Variants in ARHGAP9 observed in about 807,000 individuals in gnomAD.
ARHGAP9 encodes the protein Rho GTPase activating protein 9, also known as rho GTPase-activating protein 9.
ARHGAP9 carries 76 observed loss-of-function variants against 87.3 expected under a neutral mutation model. The ratio of observed to expected loss-of-function variants is 0.87; its 90% CI spans 0.72 to 1.05. The LOEUF is 1.05. ARHGAP9 is among the 50% of genes least tolerant of loss of function. The pLI is 0.00. For missense variants in ARHGAP9, 941 were observed against 960.5 expected (o/e 0.98, Z 0.27); for synonymous variants, 382 against 394.9 (o/e 0.97, Z 0.39).
rs926188968 is a variant in ARHGAP9, at chr12:57,475,131, C to A, written c.1553-158G>T. 8.1e-6 allele frequency: 9 copies of A among 1,117,954 alleles called. No individual in the cohort carries two copies. In the South Asian group the frequency reaches 1.1e-4, roughly 13 times the overall value. 69.3% of individuals were successfully genotyped at this position (1,117,954 alleles called of 1,614,324 possible). A position where few individuals can be genotyped will look rare whatever the true frequency, so the allele number is the denominator to read the frequency against. On this transcript the variant is annotated intron_variant, in intron 12 of 17. Transcript: ENST00000393791. The stretch of plus-strand genomic sequence containing the variant: ...TCCACCTCCCTTCCCCTGCTTCAAA[C>A]AATCTGGCAAAGGGGTACAGGTCAC...
chr12:57,482,404 C>G (rs893265847), upstream of ARHGAP9, among the ~76,000 whole-genome samples: 2 of 152,078 alleles, frequency 1.3e-5, no homozygotes, highest in Non-Finnish European at 2.9e-5. Context: ...CCATGTCCAG[C>G]TAATTTTTTG....
intron 1 of ARHGAP9, among the ~76,000 whole-genome samples, chr12:57,486,219 T>C (rs1875381108): frequency 6.6e-6 from 1 of 152,210 alleles, no homozygotes; most frequent in South Asian, 2.1e-4. Context: ...AACAGGTATG[T>C]GCTTCCTTGC....
intron 11 of ARHGAP9, 21 bp downstream of exon 11, chr12:57,475,462 C>G: frequency 6.3e-7 from 1 of 1,583,910 alleles, no homozygotes; most frequent in Non-Finnish European, 8.6e-7. Context: ...CCGGACTCTC[C>G]CTCCCCAGCC....
upstream of ARHGAP9, chr12:57,483,836 T>G (rs545152733): frequency 2.3e-6 from 1 of 442,868 alleles, no homozygotes; most frequent in African/African-American, 2.0e-5. Context: ...GGTCAGGAGT[T>G]TGAGACCAGC....
intron 5 of ARHGAP9, 86 bp from the exon 6 acceptor site, chr12:57,477,049 T>C (rs757323331): frequency 7.8e-7 from 1 of 1,283,596 alleles, no homozygotes; most frequent in Admixed American, 2.1e-5. Context: ...GGGATACGGG[T>C]GAGAGGTGGG....
Position 57,472,632 on chromosome 12 carries a change from A to G in ARHGAP9, c.2081T>C (p.Phe694Ser), listed in dbSNP as rs1872207215. Residue 694 changes from phenylalanine (F) to serine (S), a missense_variant, in exon 18 of 18, where the codon TTT (phenylalanine) becomes TCT (serine). Phe to Ser is a radical substitution (Grantham distance 155). Coordinates refer to ENST00000393791, the MANE Select transcript of ARHGAP9 (RefSeq NM_032496.4). ...RMTPHNLGIV[F>S]GPTLFRPEQE... ...CTCTGGCCGAAACAGGGTTGGTCCA[A>G]ACACAATTCCCAGGTTGTGGGGTGT... The G allele has an allele frequency of 6.2e-7, 1 of 1,614,106 alleles. No individual in the cohort carries two copies. The highest frequency in any genetic ancestry group is 1.1e-5 in the South Asian group (1 of 91,090).
At chr12:57,475,799 T>C (rs2277315) in intron 10 of ARHGAP9, 34 bp downstream of exon 10, 1,053,922 of 1,607,504 alleles carry the variant, frequency 0.66, 351,306 homozygotes, top group African/African-American at 0.78. Context: ...TCCCGGCCGG[T>C]CGGAGCCTCC....
At position 57,475,362 on chromosome 12, in the gene ARHGAP9, C is replaced by T. The variant is rs767439513; in HGVS notation, c.1481G>A (p.Arg494His). The T allele has an allele frequency of 1.2e-6, 2 of 1,602,160 alleles. No individual in the cohort carries two copies. The highest frequency in any genetic ancestry group is 1.7e-5 in the Admixed American group (1 of 58,470). The change falls in exon 12 of 18, where the codon CGC (arginine) becomes CAC (histidine). Residue 494 changes from arginine (R) to histidine (H), a missense_variant. Coordinates refer to ENST00000393791, the MANE Select transcript of ARHGAP9 (RefSeq NM_032496.4). ...CGCGATGAGCCGCTTTAGTTTGTTGCGCACGCGGTTCTGCTCGGTGCCTTC... is the reference window on the plus strand; with the variant it reads ...CGCGATGAGCCGCTTTAGTTTGTTGTGCACGCGGTTCTGCTCGGTGCCTTC... Reference protein sequence around the residue: ...GPEGTEQNRVRNKLKRLIAKR... With the variant: ...GPEGTEQNRVHNKLKRLIAKR...
upstream of ARHGAP9, among the ~76,000 whole-genome samples, chr12:57,481,487 G>A (rs921362596): frequency 1.3e-5 from 2 of 151,860 alleles, no homozygotes; most frequent in African/African-American, 4.8e-5. Context: ...TCCTGACCTC[G>A]TGATCTGCCC....
In ARHGAP9 at chr12:57,474,701, G is replaced by T; in HGVS notation, c.1654C>A (p.Leu552Ile). The T allele has an allele frequency of 6.2e-7, 1 of 1,614,130 alleles. No homozygotes were observed. The highest frequency in any genetic ancestry group is 1.1e-5 in the South Asian group (1 of 91,068). Reference sequence around the variant, plus strand: ...ACCCGATAAATGCCATCCACATCTAGACCTGGGAGATGAGGAAGGAGTAGA... The same window carrying T: ...ACCCGATAAATGCCATCCACATCTATACCTGGGAGATGAGGAAGGAGTAGA... ...LCIAAVDKRG[L>I]DVDGIYRVSG... Residue 552 changes from leucine (L) to isoleucine (I), a missense_variant and splice_region_variant, in exon 14 of 18, where the codon CTA (leucine) becomes ATA (isoleucine). Coordinates refer to ENST00000393791, the MANE Select transcript of ARHGAP9 (RefSeq NM_032496.4).
rs774074348 is a variant in ARHGAP9, at chr12:57,472,615, G to A, written c.2098C>T (p.Arg700Trp). 15 of 1,614,230 alleles carry A rather than the reference G, an allele frequency of 9.3e-6. No homozygotes were observed. The highest frequency in any genetic ancestry group is 1.6e-4 in the Middle Eastern group (1 of 6,062). The change falls in exon 18 of 18, where the codon CGG (arginine) becomes TGG (tryptophan). Residue 700 changes from arginine (R) to tryptophan (W), a missense_variant. Arg to Trp is a moderately radical substitution (Grantham distance 101, BLOSUM62 -3). Coordinates refer to ENST00000393791, the MANE Select transcript of ARHGAP9 (RefSeq NM_032496.4). ...GGGTCAGATGTCTCCTGCTCTGGCC[G>A]AAACAGGGTTGGTCCAAACACAATT... ...LGIVFGPTLF[R>W]PEQETSDPAA...
rs2139951688 is a variant in ARHGAP9, at chr12:57,478,415, A to G, written c.534+125T>C. ...TTAACTTGCCTTTAGACTTATCAGT[A>G]GTACCAAGCGTTATCTTATTTATTT... On this transcript the variant is annotated intron_variant, in intron 3 of 17. Coordinates refer to ENST00000393791, the MANE Select transcript of ARHGAP9 (RefSeq NM_032496.4). The G allele has an allele frequency of 1.0e-5, 10 of 968,894 alleles. No homozygotes were observed. In the South Asian group the frequency reaches 1.2e-4, roughly 12 times the overall value. 60.0% of individuals were successfully genotyped at this position (968,894 alleles called of 1,614,324 possible).
chr12:57,478,544 C>T lies in ARHGAP9; in HGVS notation c.530G>A (p.Ser177Asn), dbSNP rs752537136. The change falls in exon 3 of 18, where the codon AGC becomes AAC. Residue 177 changes from serine (S) to asparagine (N), a missense_variant. Transcript: ENST00000393791. ...CTCAGAAGAGCTGTGACTCACTGTG[C>T]TGGCACTGGCTTCTGACGGCAAGTC... ...QEDLPSEASA[S>N]TAGPQPLMSE... 1.2e-6 allele frequency: 2 copies of T among 1,614,010 alleles called. No individual in the cohort carries two copies. The highest frequency in any genetic ancestry group is 3.3e-5 in the Admixed American group (2 of 60,026).
In ARHGAP9 at chr12:57,477,538, T is replaced by C. The variant is rs752240048; in HGVS notation, c.677A>G (p.Asn226Ser). 9.3e-6 allele frequency: 15 copies of C among 1,613,766 alleles called. No homozygotes were observed. The highest frequency in any genetic ancestry group is 1.7e-5 in the Admixed American group (1 of 59,956). ...LDAWEQHLDP[N>S]SGRCFYINSL... Reference sequence around the variant, plus strand: ...ATTTATGTAGAAGCAGCGTCCAGAGTTGGGGTCCAGGTGCTGCTCCCAGGC... The same window carrying C: ...ATTTATGTAGAAGCAGCGTCCAGAGCTGGGGTCCAGGTGCTGCTCCCAGGC... Residue 226 changes from asparagine (N) to serine (S), a missense_variant, in exon 4 of 18, where the codon AAC (asparagine) becomes AGC (serine). Physicochemically the swap from Asn to Ser is conservative, Grantham distance 46 (BLOSUM62 1). Transcript: ENST00000393791.
chr12:57,484,233 T>G (rs1005715835), upstream of ARHGAP9, among the ~76,000 whole-genome samples: 6 of 150,478 alleles, frequency 4.0e-5, no homozygotes, highest in Non-Finnish European at 8.9e-5. Flanking sequence ...GCGCCTGTAA[T>G]CCCAGCTACT....
chr12:57,476,297 G>A (rs1873635984), intron 8 of ARHGAP9, 67 bp downstream of exon 8: 1 of 1,571,380 alleles, frequency 6.4e-7, no homozygotes, highest in African/African-American at 1.3e-5. Flanking sequence ...CCCCGCTGCC[G>A]CCCCCACATT....
upstream of ARHGAP9, among the ~76,000 whole-genome samples, chr12:57,480,306 C>T (rs145140643): frequency 5.1e-3 from 775 of 152,196 alleles, 6 homozygotes; most frequent in South Asian, 0.018. Flanking sequence ...CTCAGTCCCC[C>T]GAGTAGCTGG....
rs1306989128 is a variant in ARHGAP9 at position 57,475,466 on chromosome 12, C to T, written c.1444+17G>A. The T allele has an allele frequency of 6.3e-7, 1 of 1,586,038 alleles. No homozygotes were observed. The highest frequency in any genetic ancestry group is 8.6e-7 in the Non-Finnish European group (1 of 1,167,388). ...TCGCTGCGCTCCCGGACTCTCCCTC[C>T]CCAGCCCGCGCCTCACTGGAGCTCC... On this transcript the variant is annotated intron_variant, in intron 11 of 17. Coordinates refer to ENST00000393791, the MANE Select transcript of ARHGAP9 (RefSeq NM_032496.4).
upstream of ARHGAP9, among the ~76,000 whole-genome samples, chr12:57,483,587 T>C (rs1875183044): frequency 6.6e-6 from 1 of 152,246 alleles, no homozygotes; most frequent in Admixed American, 6.5e-5. Context: ...ACTGCAGTCT[T>C]ATGCGAATTC....
Sources: gnomAD v4.1 joint callset for allele counts (sites outside exome capture counted in the v4.1 genomes callset) on GRCh38, gnomAD v4.1.1 for gene constraint, MANE v1.5 for transcripts, NCBI Gene and HGNC (gene_info 2026-07-23, HGNC 2026-07-21) for gene names.